The following CUBN variants were observed in gnomAD, a reference collection of about 807,000 sequenced individuals.
CUBN encodes 460 kDa receptor.
A neutral mutation model predicts 405.3 loss-of-function variants in CUBN; 282 were observed. The ratio of observed to expected loss-of-function variants is 0.70; its 90% CI spans 0.63 to 0.77. The LOEUF (loss-of-function observed/expected upper bound fraction) is 0.77. Ranked by LOEUF, CUBN falls within the 30% of genes least tolerant of loss-of-function variation. The probability of loss-of-function intolerance (pLI) is 0.00; values close to 1 mark genes in which losing one functional copy is unlikely to be tolerated. For missense variants in CUBN, 4,514 were observed against 4,475.2 expected (o/e 1.01, Z -0.25); for synonymous variants, 1,684 against 1,617.0 (o/e 1.04, Z -0.99).
At chr10:16,875,392 T>C (rs1219107350) in intron 57 of CUBN, among the ~76,000 whole-genome samples, 1 of 152,216 alleles carries the variant, frequency 6.6e-6, no homozygotes, top group African/African-American at 2.4e-5. Context: ...TATAATGGGG[T>C]TAACGCATTT....
chr10:16,905,223 T>C lies in CUBN; in HGVS notation c.7912+980A>G, dbSNP rs116494078. Among the ~76,000 whole-genome samples, 326 of 152,288 alleles carry C rather than the reference T, an allele frequency of 2.1e-3. 1 individual carries two copies. The highest frequency in any genetic ancestry group is 7.4e-3 in the African/African-American group (308 of 41,568). On this transcript the variant is annotated intron_variant, in intron 50 of 66. Transcript: ENST00000377833. ...TTGTCTTCCTCTATCTACTTGTTTA[T>C]TTACTGAGAAAAACGTGTCAGCATA... is the stretch of plus-strand genomic sequence containing the variant.
At chr10:17,004,683 T>TTTC in intron 28 of CUBN, among the ~76,000 whole-genome samples, 1 of 151,814 alleles carries the variant, frequency 6.6e-6, no homozygotes, top group East Asian at 1.9e-4. Flanking sequence ...TCTTTTTTTT[T>TTTC]TTTTTTAGCA....
In CUBN at chr10:17,068,723, G is replaced by A. The variant is rs386833778; in HGVS notation, c.2673C>T (p.Cys891=). ...ILGSPENKKY[C]GTDIPSFITS... The stretch of plus-strand genomic sequence containing the variant: ...TTATAAATGAAGGTATGTCTGTACC[G>A]CAATACTTTTTATTTTCAGGAGAAC... The change falls in exon 20 of 67, where the codon TGC becomes TGT. Residue 891 remains cysteine (C), a synonymous_variant. Transcript: ENST00000377833. The A allele has an allele frequency of 2.4e-4, 387 of 1,611,818 alleles. 1 individual carries two copies. Among genetic ancestry groups the A allele is most frequent in the Non-Finnish European group, 2.8e-4 (331 of 1,178,316 alleles).
intron 28 of CUBN, among the ~76,000 whole-genome samples, chr10:17,003,840 C>T (rs1833950806): frequency 6.6e-6 from 1 of 152,144 alleles, no homozygotes; most frequent in Non-Finnish European, 1.5e-5. Flanking sequence ...CCAGAATGGT[C>T]CCCTGGGGTT....
At chr10:16,926,946 C>T (rs1339330836) in intron 41 of CUBN, among the ~76,000 whole-genome samples, 1 of 151,770 alleles carries the variant, frequency 6.6e-6, no homozygotes, top group African/African-American at 2.4e-5. Context: ...ATACATTACA[C>T]CTAATATGTA....
chr10:16,900,362 G>A (rs1410230480), intron 53 of CUBN, among the ~76,000 whole-genome samples: 1 of 152,172 alleles, frequency 6.6e-6, no homozygotes, highest in Non-Finnish European at 1.5e-5. Context: ...GGACTGAATT[G>A]CCTTTATTCA....
At position 16,985,779 on chromosome 10, in the gene CUBN, G is replaced by A. The variant is rs542295818; in HGVS notation, c.4351-1500C>T. On this transcript the variant is annotated intron_variant, in intron 29 of 66. Transcript: ENST00000377833. ...ACAGGTCCTGCGACGGGGTGGTCAGGGAACTCTCTTGTTTCACTTCTAGAT... is the reference window on the plus strand; with the variant it reads ...ACAGGTCCTGCGACGGGGTGGTCAGAGAACTCTCTTGTTTCACTTCTAGAT... Among the ~76,000 whole-genome samples the A allele has an allele frequency of 2.0e-5, 3 of 152,338 alleles. No individual in the cohort carries two copies. In the East Asian group the frequency reaches 5.8e-4, roughly 29 times the overall value.
At chr10:16,948,457 T>G in intron 35 of CUBN, 21 bp downstream of exon 35, 2 of 1,612,978 alleles carry the variant, frequency 1.2e-6, no homozygotes, top group Non-Finnish European at 1.7e-6. Context: ...ACCGCTAGAG[T>G]CAGGTGCTAG....
rs551969917 is a variant in CUBN, at chr10:16,866,217, A to C, written c.9454+3419T>G. Among the ~76,000 whole-genome samples, 28 of 152,360 alleles carry C rather than the reference A, an allele frequency of 1.8e-4. No homozygotes were observed. The South Asian group carries it at 5.2e-3, about 28-fold the overall frequency. ...TGAAACAATGATGCTACTGCACAGT[A>C]AATAAATAAGTTTACTGAAAGCCCC... On this transcript the variant is annotated intron_variant, in intron 59 of 66. Transcript: ENST00000377833.
Position 16,888,411 on chromosome 10 carries a change from A to G in CUBN, c.8905+6T>C. 1 of 1,610,986 alleles carries G rather than the reference A, an allele frequency of 6.2e-7. No individual in the cohort carries two copies. Among genetic ancestry groups the G allele is most frequent in the Non-Finnish European group, 8.5e-7 (1 of 1,177,398 alleles). On this transcript the variant is annotated splice_donor_region_variant and intron_variant, in intron 56 of 66. Coordinates refer to ENST00000377833, the MANE Select transcript of CUBN (RefSeq NM_001081.4). ...AAACGTAATTTTTTTAAAAGAATAA[A>G]CTTACCTTCTAAGTGGAAGGACACA...
In CUBN at chr10:16,890,476, C is replaced by T. The variant is rs751486355; in HGVS notation, c.8650G>A (p.Gly2884Arg). 5 of 1,614,168 alleles carry T rather than the reference C, an allele frequency of 3.1e-6. No homozygotes were observed. Among genetic ancestry groups the T allele is most frequent in the Non-Finnish European group, 4.2e-6 (5 of 1,180,016 alleles). Residue 2884 changes from glycine to arginine, a missense_variant, in exon 55 of 67, where the codon GGG (glycine) becomes AGG (arginine). Physicochemically the swap from Gly to Arg is moderately radical, Grantham distance 125. This residue lies in a region of CUBN where 1,186 missense variants were observed against 1,186.9 expected (regional missense o/e 1.00). Transcript: ENST00000377833. ...ATAACGGGACCCGGAGCCACGTTCC[C>T]ACAGCCAGTGGCTAGCAGGGCTTTG... ...VDKALLATGC[G>R]NVAPGPVITP... is the part of the protein sequence containing the mutation.
chr10:16,914,824 T>C (rs1841836492), intron 47 of CUBN, among the ~76,000 whole-genome samples: 1 of 152,248 alleles, frequency 6.6e-6, no homozygotes, highest in Non-Finnish European at 1.5e-5. Flanking sequence ...CATCCTCTTA[T>C]TATCTCTCTC....
chr10:16,936,156 A>G (rs1842497749), intron 39 of CUBN, among the ~76,000 whole-genome samples: 1 of 152,114 alleles, frequency 6.6e-6, no homozygotes, highest in Non-Finnish European at 1.5e-5. Context: ...TATAATTATG[A>G]AATTTCGTAA....
chr10:17,043,594 G>A lies in CUBN; in HGVS notation c.3829+233C>T, dbSNP rs1907362. Among the ~76,000 whole-genome samples the A allele has an allele frequency of 0.04, 6,087 of 152,180 alleles. 227 individuals carry two copies. Among genetic ancestry groups the A allele is most frequent in the South Asian group, 0.21 (1,016 of 4,826 alleles). Reference sequence around the variant, plus strand: ...AGTTATATGAGATTAAATTTAATACGTATTTCTCCCTCAAATGGAGTTAAA... The same window carrying A: ...AGTTATATGAGATTAAATTTAATACATATTTCTCCCTCAAATGGAGTTAAA... On this transcript the variant is annotated intron_variant, in intron 26 of 66. Coordinates refer to ENST00000377833, the MANE Select transcript of CUBN (RefSeq NM_001081.4).
chr10:16,883,944 T>A (rs576108628), intron 56 of CUBN, among the ~76,000 whole-genome samples: 1 of 152,360 alleles, frequency 6.6e-6, no homozygotes, highest in East Asian at 1.9e-4. Flanking sequence ...TGAATTAATG[T>A]TACTACCCAA....
At chr10:16,888,695 G>T in intron 55 of CUBN, 129 bp from the exon 56 acceptor site, 1 of 797,880 alleles carries the variant, frequency 1.3e-6, no homozygotes, top group Non-Finnish European at 2.2e-6. Flanking sequence ...AATGGAAGAA[G>T]CAAGAATGAA....
chr10:16,990,235 C>T (rs553056225), intron 29 of CUBN, 99 bp downstream of exon 29: 2 of 1,089,652 alleles, frequency 1.8e-6, no homozygotes, highest in East Asian at 2.4e-5. Context: ...AAGAATAGAA[C>T]ACTGCTGACT....
intron 31 of CUBN, among the ~76,000 whole-genome samples, chr10:16,967,447 C>T (rs751944663): frequency 2.6e-5 from 4 of 152,210 alleles, no homozygotes; most frequent in Non-Finnish European, 5.9e-5. Context: ...CCCGTGTCCA[C>T]AGATTGAGAG....
chr10:17,019,413 C>A (rs1485388482), intron 28 of CUBN, among the ~76,000 whole-genome samples: 2 of 152,180 alleles, frequency 1.3e-5, no homozygotes, highest in East Asian at 1.9e-4. Context: ...GACTTTCATT[C>A]TTTCTAGTCT....
Sources: gnomAD v4.1 joint callset for allele counts (sites outside exome capture counted in the v4.1 genomes callset) on GRCh38, gnomAD v4.1.1 for gene constraint, gnomAD v4.1.1 regional missense constraint, MANE v1.5 for transcripts, NCBI Gene and HGNC (gene_info 2026-07-23, HGNC 2026-07-21) for gene names.